SMC6: variants seen among roughly 807,000 people sequenced by gnomAD.
SMC6 encodes the protein structural maintenance of chromosomes protein 6.
SMC6 carries 79 observed loss-of-function variants against 142.2 expected under a neutral mutation model. The ratio of observed to expected loss-of-function variants is 0.56; its 90% CI spans 0.46 to 0.67. The LOEUF (loss-of-function observed/expected upper bound fraction) is 0.67, where lower values mean the gene tolerates loss of function less well. Ranked by LOEUF, SMC6 falls within the 30% of genes least tolerant of loss-of-function variation. The pLI is 0.00. For missense variants in SMC6, 1,072 were observed against 1,284.0 expected, an observed-to-expected ratio of 0.83 and a Z score of 2.52; for synonymous variants, 411 against 412.4, an observed-to-expected ratio of 1.00 and a Z score of 0.04.
chr2:17,710,413 T>C (rs1474833300), intron 16 of SMC6, among the ~76,000 whole-genome samples: 1 of 152,110 alleles, frequency 6.6e-6, no homozygotes, highest in Non-Finnish European at 1.5e-5. Flanking sequence ...AAGTATATTA[T>C]ATTATAGAGT....
chr2:17,727,008 C>G (rs1160373749), intron 7 of SMC6, among the ~76,000 whole-genome samples: 1 of 152,202 alleles, frequency 6.6e-6, no homozygotes, highest in Non-Finnish European at 1.5e-5. Flanking sequence ...TACAGAAGTT[C>G]TTCATATTAT....
chr2:17,723,533 C>T (rs1669475138), intron 9 of SMC6, among the ~76,000 whole-genome samples: 1 of 152,144 alleles, frequency 6.6e-6, no homozygotes, highest in Non-Finnish European at 1.5e-5. Context: ...AACATCCTTC[C>T]TTGCTTTCAC....
chr2:17,749,692 A>T lies in SMC6; in HGVS notation c.-6+3286T>A, dbSNP rs184625760. ...GACAGAGCGATACTCCGTCTCAAAAAGAAAAAAAAAATTAATAACCAAGAG... is the reference window on the plus strand; with the variant it reads ...GACAGAGCGATACTCCGTCTCAAAATGAAAAAAAAAATTAATAACCAAGAG... On this transcript the variant is annotated intron_variant, in intron 2 of 27. Coordinates refer to ENST00000448223, the MANE Select transcript of SMC6 (RefSeq NM_001142286.2). Among the ~76,000 whole-genome samples, 9 of 152,322 alleles carry T rather than the reference A, an allele frequency of 5.9e-5. No homozygotes were observed. The East Asian group carries it at 1.7e-3, about 29-fold the overall frequency.
intron 25 of SMC6, among the ~76,000 whole-genome samples, chr2:17,673,917 A>G (rs964124825): frequency 9.2e-5 from 14 of 151,768 alleles, no homozygotes; most frequent in Admixed American, 7.9e-4. Context: ...TGAACCTAAC[A>G]CCATTCATGA....
chr2:17,740,393 T>C (rs1311173349), intron 4 of SMC6, among the ~76,000 whole-genome samples: 1 of 152,154 alleles, frequency 6.6e-6, no homozygotes, highest in East Asian at 1.9e-4. Context: ...AAGCCTCCTC[T>C]CCCTGTGTAC....
intron 21 of SMC6, among the ~76,000 whole-genome samples, chr2:17,699,209 T>C (rs945763580): frequency 2.0e-5 from 3 of 152,120 alleles, no homozygotes; most frequent in Admixed American, 1.3e-4. Flanking sequence ...ATCTTGAATT[T>C]TTCCTTTATT....
intron 18 of SMC6, among the ~76,000 whole-genome samples, chr2:17,703,511 C>T (rs1222151148): frequency 6.6e-6 from 1 of 151,950 alleles, no homozygotes; most frequent in Non-Finnish European, 1.5e-5. Flanking sequence ...TACTTATTTC[C>T]TTAACAAGTA....
rs1669130561 is a variant in SMC6 at position 17,717,111 on chromosome 2, T to C, written c.1158A>G (p.Lys386=). 1 of 1,612,224 alleles carries C rather than the reference T, an allele frequency of 6.2e-7. No individual in the cohort carries two copies. Among genetic ancestry groups the C allele is most frequent in the African/African-American group, 1.3e-5 (1 of 74,844 alleles). The change falls in exon 13 of 28, where the codon AAA becomes AAG. Residue 386 remains lysine, a synonymous_variant. Coordinates refer to ENST00000448223, the MANE Select transcript of SMC6 (RefSeq NM_001142286.2). ...ALKKDDEQLC[K]RIEELKKSTD... ...ACCTTTTTTTCAGCTCTTCAATTCG[T>C]TTACAAAGCTGCTCATCATCTTTCT...
chr2:17,667,382 G>T (rs528567844), intron 26 of SMC6, among the ~76,000 whole-genome samples: 11 of 152,284 alleles, frequency 7.2e-5, no homozygotes, highest in African/African-American at 2.6e-4. Flanking sequence ...TATAGACAAA[G>T]AATAATGCTT....
intron 2 of SMC6, among the ~76,000 whole-genome samples, chr2:17,746,587 T>G (rs906051250): frequency 3.3e-5 from 5 of 151,222 alleles, no homozygotes; most frequent in Non-Finnish European, 7.4e-5. Flanking sequence ...CCTTTAACTC[T>G]TCCCTAAAAA....
intron 21 of SMC6, 98 bp from the exon 22 acceptor site, chr2:17,696,524 T>C: frequency 7.9e-7 from 1 of 1,271,042 alleles, no homozygotes; most frequent in Non-Finnish European, 1.1e-6. Context: ...AGGATTATGC[T>C]GTTTGAAGAG....
At chr2:17,723,019 G>GA (rs1669449423) in intron 9 of SMC6, among the ~76,000 whole-genome samples, 2 of 143,502 alleles carry the variant, frequency 1.4e-5, no homozygotes, top group African/African-American at 2.6e-5. Context: ...AAAAAGAAAA[G>GA]AAAGGAAAAA....
chr2:17,747,456 ATATT>A (rs1162468597), intron 2 of SMC6, among the ~76,000 whole-genome samples: 1 of 151,808 alleles, frequency 6.6e-6, no homozygotes, highest in African/African-American at 2.4e-5. Context: ...ATGTCTATCA[ATATT>A]TATTATATTA....
intron 24 of SMC6, chr2:17,679,183 CA>C: frequency 4.8e-6 from 2 of 415,100 alleles, no homozygotes; most frequent in Non-Finnish European, 4.3e-6. Context: ...ACTTTTATAA[CA>C]AAAAAATTAA....
intron 12 of SMC6, among the ~76,000 whole-genome samples, chr2:17,717,454 G>A (rs920686974): frequency 2.7e-5 from 4 of 150,878 alleles, no homozygotes; most frequent in African/African-American, 7.3e-5. Context: ...GGCGGATCAC[G>A]AGGTCAGGAG....
intron 3 of SMC6, among the ~76,000 whole-genome samples, chr2:17,744,998 T>C (rs1558382669): frequency 6.6e-6 from 1 of 152,224 alleles, no homozygotes; most frequent in Non-Finnish European, 1.5e-5. Flanking sequence ...CAGATGTGAA[T>C]ACTCAGGGCA....
At chr2:17,750,654 T>C (rs76953931) in intron 2 of SMC6, among the ~76,000 whole-genome samples, 5,067 of 152,154 alleles carry the variant, frequency 0.033, 315 homozygotes, top group African/African-American at 0.12. Flanking sequence ...GAGAGTGAAA[T>C]TGGCTATTAA....
chr2:17,666,358 T>A, intron 27 of SMC6, 62 bp downstream of exon 27: 1 of 1,207,704 alleles, frequency 8.3e-7, no homozygotes. Context: ...ATTAAAATTG[T>A]AAAAGATTTC....
chr2:17,746,091 C>A, intron 2 of SMC6, 140 bp from the exon 3 acceptor site: 1 of 840,860 alleles, frequency 1.2e-6, no homozygotes, highest in South Asian at 2.6e-5. Flanking sequence ...GTAAATTAGT[C>A]TTGCATCTTG....
Sources: allele counts gnomAD v4.1 joint callset (sites outside exome capture counted in the v4.1 genomes callset), GRCh38; gene constraint gnomAD v4.1.1; transcripts MANE v1.5; gene names NCBI Gene and HGNC (gene_info 2026-07-23, HGNC 2026-07-21).